The following TBXAS1 variants were observed in gnomAD, a reference collection of about 807,000 sequenced individuals.
TBXAS1 encodes thromboxane A synthase 1, also known as thromboxane-A synthase.
In TBXAS1, 48 loss-of-function variants were observed where a neutral mutation model predicts 60.7. That is an observed-to-expected ratio of 0.79 (90% CI 0.63 to 1.01). The LOEUF (loss-of-function observed/expected upper bound fraction) is 1.01, where lower values mean the gene tolerates loss of function less well. Ranked by LOEUF, TBXAS1 falls within the 50% of genes least tolerant of loss-of-function variation. The pLI, the probability that TBXAS1 is intolerant of heterozygous loss-of-function variation, is 0.00. For synonymous variants in TBXAS1, 287 were observed against 269.7 expected (o/e 1.06, Z -0.63); for missense variants, 685 against 686.3 (o/e 1.00, Z 0.02).
chr7:139,958,251 C>T (rs962332852), intron 8 of TBXAS1, among the ~76,000 whole-genome samples: 2 of 152,152 alleles, frequency 1.3e-5, no homozygotes, highest in African/African-American at 4.8e-5. Context: ...GAGGATGTCG[C>T]TACAGAACTC....
At chr7:139,973,487 T>A (rs1471487965) in intron 9 of TBXAS1, among the ~76,000 whole-genome samples, 6 of 151,972 alleles carry the variant, frequency 3.9e-5, no homozygotes, top group Non-Finnish European at 7.4e-5. Context: ...CCTTTAACCC[T>A]AGGTTTTCCA....
At chr7:139,891,467 T>C (rs1803611339) in intron 3 of TBXAS1, among the ~76,000 whole-genome samples, 1 of 152,068 alleles carries the variant, frequency 6.6e-6, no homozygotes, top group Admixed American at 6.6e-5. Flanking sequence ...GGCGTGTGGC[T>C]AGTAAGAGGT....
intron 5 of TBXAS1, among the ~76,000 whole-genome samples, chr7:139,938,197 C>T (rs1040609786): frequency 3.3e-5 from 5 of 152,274 alleles, no homozygotes; most frequent in Admixed American, 2.0e-4. Context: ...AAGACTGGGT[C>T]TGATACAGTG....
chr7:139,950,108 A>G (rs1809080124), intron 5 of TBXAS1, among the ~76,000 whole-genome samples: 1 of 138,596 alleles, frequency 7.2e-6, no homozygotes, highest in Non-Finnish European at 1.5e-5. Context: ...TTCTTGGCTC[A>G]CTGCAACCTC....
Position 139,911,323 on chromosome 7 carries a change from T to G in TBXAS1, c.333+2T>G. 2 of 1,613,002 alleles carry G rather than the reference T, an allele frequency of 1.2e-6. No individual in the cohort carries two copies. On this transcript the variant is annotated splice_donor_variant, in intron 4 of 12. Coordinates refer to ENST00000448866, the MANE Select transcript of TBXAS1 (RefSeq NM_001061.7). LOFTEE classifies it high-confidence loss of function. ...TTCAGTAACTTTACCAACAGAATGG[T>G]ACGTAGTTTTCTTTCCGCATATAGA...
At chr7:139,804,543 G>C (rs1042577860) in intron 4 of TBXAS1, among the ~76,000 whole-genome samples, 1 of 152,094 alleles carries the variant, frequency 6.6e-6, no homozygotes, top group Non-Finnish European at 1.5e-5. Context: ...GATGTGGGAG[G>C]GGCCAGGGGC....
rs181753008 is a variant in TBXAS1 at position 139,862,715 on chromosome 7, T to C, written c.90-9520T>C. Among the ~76,000 whole-genome samples, 11 of 152,246 alleles carry C rather than the reference T, an allele frequency of 7.2e-5. No individual in the cohort carries two copies. The East Asian group carries it at 1.9e-3, about 27-fold the overall frequency. Reference sequence around the variant, plus strand: ...AGGAAGGAACAATAATTGAGAATAATGAGTAAGGACAAGGAGCAAAACTAA... The same window carrying C: ...AGGAAGGAACAATAATTGAGAATAACGAGTAAGGACAAGGAGCAAAACTAA... On this transcript the variant is annotated intron_variant, in intron 1 of 12. Coordinates refer to ENST00000448866, the MANE Select transcript of TBXAS1 (RefSeq NM_001061.7).
In TBXAS1 at chr7:139,953,474, C is replaced by T. The variant is rs1259714922; in HGVS notation, c.539+18C>T. 6.2e-7 allele frequency: 1 copy of T among 1,611,910 alleles called. No homozygotes were observed. The highest frequency in any genetic ancestry group is 8.5e-7 in the Non-Finnish European group (1 of 1,178,076). ...ATCCAGAGGTAAGGCTGCTGCATTACAGATGAGAAATCGAGTTTTTGAATC... is the reference window on the plus strand; with the variant it reads ...ATCCAGAGGTAAGGCTGCTGCATTATAGATGAGAAATCGAGTTTTTGAATC... On this transcript the variant is annotated intron_variant, in intron 6 of 12. Coordinates refer to ENST00000448866, the MANE Select transcript of TBXAS1 (RefSeq NM_001061.7).
intron 4 of TBXAS1, among the ~76,000 whole-genome samples, chr7:139,931,540 G>A (rs1392673285): frequency 6.6e-6 from 1 of 152,192 alleles, no homozygotes; most frequent in Non-Finnish European, 1.5e-5. Context: ...TGGCTGGGGA[G>A]GCCTACCAAA....
chr7:140,007,080 C>A lies in TBXAS1; in HGVS notation c.1135-11C>A. On this transcript the variant is annotated splice_polypyrimidine_tract_variant and intron_variant, in intron 9 of 12. Coordinates refer to ENST00000448866, the MANE Select transcript of TBXAS1 (RefSeq NM_001061.7). ...CACGAACTTCTCCCTTTGTCACGACCCCTCCATCAGATGGCCCCTGAGTTC... is the reference window on the plus strand; with the variant it reads ...CACGAACTTCTCCCTTTGTCACGACACCTCCATCAGATGGCCCCTGAGTTC... 6.2e-7 allele frequency: 1 copy of A among 1,613,284 alleles called. No homozygotes were observed. Among genetic ancestry groups the A allele is most frequent in the East Asian group, 2.2e-5 (1 of 44,884 alleles).
chr7:139,781,336 G>C (rs1796978667), intron 2 of TBXAS1, among the ~76,000 whole-genome samples: 1 of 152,204 alleles, frequency 6.6e-6, no homozygotes, highest in African/African-American at 2.4e-5. Flanking sequence ...AAATGTCACT[G>C]AAGGAGAGCA....
At chr7:139,879,832 TTGTGTGTGTG>T (rs57176056) in intron 3 of TBXAS1, among the ~76,000 whole-genome samples, 4,065 of 140,488 alleles carry the variant, frequency 0.029, 76 homozygotes, top group South Asian at 0.044. Flanking sequence ...TTATCTCATT[TTGTGTGTGTG>T]TGTGTGTGTG....
At chr7:139,976,474 C>T (rs1811573690) in intron 9 of TBXAS1, among the ~76,000 whole-genome samples, 2 of 152,198 alleles carry the variant, frequency 1.3e-5, no homozygotes, top group African/African-American at 4.8e-5. Context: ...GGAATCAACT[C>T]AGGGTTATAA....
chr7:139,964,412 A>G (rs1230724684), intron 9 of TBXAS1, among the ~76,000 whole-genome samples: 2 of 152,136 alleles, frequency 1.3e-5, no homozygotes, highest in African/African-American at 2.4e-5. Flanking sequence ...CCAACTCTTG[A>G]AGCAAGGGGA....
chr7:139,922,329 T>C (rs144972165), intron 4 of TBXAS1, among the ~76,000 whole-genome samples: 2 of 152,256 alleles, frequency 1.3e-5, no homozygotes, highest in East Asian at 3.9e-4. Context: ...CTCGAATTCC[T>C]GACCTCAGGT....
At chr7:139,964,982 G>A (rs1810670040) in intron 9 of TBXAS1, among the ~76,000 whole-genome samples, 1 of 152,236 alleles carries the variant, frequency 6.6e-6, no homozygotes, top group Admixed American at 6.5e-5. Context: ...ACTTTGGGAG[G>A]CCGAGGTGGG....
chr7:139,927,119 C>T (rs1448576810), intron 4 of TBXAS1, among the ~76,000 whole-genome samples: 1 of 151,694 alleles, frequency 6.6e-6, no homozygotes, highest in Non-Finnish European at 1.5e-5. Flanking sequence ...CTCAACCACC[C>T]AAGTAGCTGG....
chr7:139,936,367 C>T (rs1258388325), intron 5 of TBXAS1, 60 bp downstream of exon 5: 4 of 1,528,060 alleles, frequency 2.6e-6, no homozygotes, highest in Non-Finnish European at 3.6e-6. Context: ...CTCTCCAAAT[C>T]GTGATGAGAG....
intron 9 of TBXAS1, among the ~76,000 whole-genome samples, chr7:139,977,168 G>T (rs1057336955): frequency 6.6e-6 from 1 of 152,110 alleles, no homozygotes; most frequent in African/African-American, 2.4e-5. Flanking sequence ...GTATTAGTCC[G>T]TTTTCACGCT....
Sources: gnomAD v4.1 joint callset for allele counts (sites outside exome capture counted in the v4.1 genomes callset) on GRCh38, gnomAD v4.1.1 for gene constraint, MANE v1.5 for transcripts, NCBI Gene and HGNC (gene_info 2026-07-23, HGNC 2026-07-21) for gene names.